Variants in ZNF33B observed in about 807,000 individuals in gnomAD.
The protein encoded by ZNF33B is zinc finger protein 33B.
In ZNF33B, 29 loss-of-function variants were observed where a neutral mutation model predicts 45.8. The ratio of observed to expected loss-of-function variants is 0.63; its 90% CI spans 0.47 to 0.86. The LOEUF is 0.86. Among genes scored for constraint, ZNF33B ranks in the 40% least tolerant of loss-of-function variants. ZNF33B has a pLI of 0.00. For missense variants in ZNF33B, 831 were observed against 909.9 expected (o/e 0.91, Z 1.12); for synonymous variants, 305 against 307.8 (o/e 0.99, Z 0.10).
chr10:42,576,455 C>T (rs914203660), intron 1 of ZNF33B, among the ~76,000 whole-genome samples: 1 of 152,156 alleles, frequency 6.6e-6, no homozygotes, highest in African/African-American at 2.4e-5. Flanking sequence ...GTGCAACATG[C>T]CTGGCATCTC....
At chr10:42,594,821 G>A in intron 4 of ZNF33B, 122 bp from the exon 5 acceptor site, 1 of 1,105,638 alleles carries the variant, frequency 9.0e-7, no homozygotes. Context: ...TTCCAGAGAT[G>A]AACATAATTG....
At chr10:42,635,195 C>T (rs1039102943) in intron 2 of ZNF33B, among the ~76,000 whole-genome samples, 5 of 151,112 alleles carry the variant, frequency 3.3e-5, no homozygotes, top group African/African-American at 4.9e-5. Context: ...GAGCCAAGAT[C>T]GCACCACTGC....
At chr10:42,600,205 T>C (rs2132059748) in intron 4 of ZNF33B, among the ~76,000 whole-genome samples, 1 of 152,264 alleles carries the variant, frequency 6.6e-6, no homozygotes, top group South Asian at 2.1e-4. Context: ...GAATATTTTA[T>C]AAATGTCAAT....
chr10:42,584,232 G>A (rs1406778776), downstream of ZNF33B, among the ~76,000 whole-genome samples: 1 of 152,216 alleles, frequency 6.6e-6, no homozygotes, highest in South Asian at 2.1e-4. Context: ...CTCGTTTCTG[G>A]AATGTGTACC....
At chr10:42,627,873 T>C (rs779067560) in intron 4 of ZNF33B, among the ~76,000 whole-genome samples, 7 of 152,242 alleles carry the variant, frequency 4.6e-5, no homozygotes, top group South Asian at 4.1e-4. Context: ...GGTTTCATTA[T>C]GGCCAGAAAA....
intron 1 of ZNF33B, chr10:42,583,486 G>A (rs1017122764): frequency 3.9e-6 from 1 of 253,402 alleles, no homozygotes; most frequent in African/African-American, 2.2e-5. Context: ...AAGAAGTTGA[G>A]AGTTCTTTGT....
chr10:42,629,030 A>C (rs1838932919), intron 4 of ZNF33B, among the ~76,000 whole-genome samples: 1 of 152,242 alleles, frequency 6.6e-6, no homozygotes, highest in Non-Finnish European at 1.5e-5. Flanking sequence ...AGCACTGTTC[A>C]CAAGAGCTAA....
rs10490937 is a variant in ZNF33B at position 42,591,544 on chromosome 10, A to C, written c.*1069T>G. The C allele has an allele frequency of 0.013, 5,585 of 428,764 alleles. 248 individuals are homozygous for C. The East Asian group carries it at 0.13, about 10-fold the overall frequency. The allele number at this position is 428,764 out of a possible 1,614,324, so 26.6% of individuals were successfully genotyped here. A position where few individuals can be genotyped will look rare whatever the true frequency, so the allele number is the denominator to read the frequency against. On this transcript the variant is annotated 3_prime_UTR_variant, in exon 5 of 5. Transcript: ENST00000359467. ...ACAAACACCTGGGATGGGCCTGATG[A>C]AGTAACCACTACTAAATTAGGATAC...
intron 1 of ZNF33B, chr10:42,581,699 T>C (rs1194776694): frequency 2.0e-5 from 3 of 152,146 alleles, no homozygotes; most frequent in Non-Finnish European, 4.4e-5. Flanking sequence ...AGAGAATAGA[T>C]GAAACAGTTT....
chr10:42,583,515 TG>T (rs1368188945), intron 1 of ZNF33B: 1 of 248,990 alleles, frequency 4.0e-6, no homozygotes, highest in Non-Finnish European at 8.0e-6. Context: ...TGCTGTCATG[TG>T]TCTTATTCGT....
rs772150778 is a variant in ZNF33B at position 42,636,876 on chromosome 10, A to G, written c.9+44T>C. The G allele has an allele frequency of 2.2e-5, 35 of 1,613,496 alleles. No homozygotes were observed. In the South Asian group the frequency reaches 3.1e-4, roughly 14 times the overall value. ...CCATACTGACTCTTACAAATCTCAC[A>G]AAGTCCACCGCAAAATAAAGTAGGG... is the stretch of plus-strand genomic sequence containing the variant. On this transcript the variant is annotated intron_variant, in intron 2 of 4. Transcript: ENST00000359467.
chr10:42,594,100 A>G lies in ZNF33B; in HGVS notation c.850T>C (p.Leu284=). 1 of 1,614,058 alleles carries G rather than the reference A, an allele frequency of 6.2e-7. No individual in the cohort carries two copies. Among genetic ancestry groups the G allele is most frequent in the African/African-American group, 1.3e-5 (1 of 75,046 alleles). ...HYEFSDCEKF[L]CVKSTLSKHD... The stretch of plus-strand genomic sequence containing the variant: ...TTAGAAAGGGTGGACTTCACACATA[A>G]GAACTTCTCACAATCACTAAATTCA... The change falls in exon 5 of 5, where the codon TTA becomes CTA. Residue 284 remains leucine (L), a synonymous_variant. Transcript: ENST00000359467.
chr10:42,597,378 A>G (rs1247251498), intron 4 of ZNF33B, among the ~76,000 whole-genome samples: 1 of 152,104 alleles, frequency 6.6e-6, no homozygotes, highest in East Asian at 1.9e-4. Context: ...ACATAAAACA[A>G]CATAAATTTA....
intron 4 of ZNF33B, among the ~76,000 whole-genome samples, chr10:42,625,703 C>T (rs1838777196): frequency 1.3e-5 from 2 of 152,244 alleles, no homozygotes; most frequent in Non-Finnish European, 2.9e-5. Context: ...AAACTCCTGA[C>T]CTCAGGTGAT....
intron 4 of ZNF33B, among the ~76,000 whole-genome samples, chr10:42,607,960 T>C (rs1443552453): frequency 1.3e-5 from 2 of 152,182 alleles, no homozygotes; most frequent in Non-Finnish European, 2.9e-5. Flanking sequence ...AAACATGTGC[T>C]ATCTATAAGA....
chr10:42,611,760 A>G (rs980644100), intron 4 of ZNF33B, among the ~76,000 whole-genome samples: 1 of 152,130 alleles, frequency 6.6e-6, no homozygotes, highest in African/African-American at 2.4e-5. Context: ...AAAAGGACAC[A>G]TAACACAACT....
At chr10:42,619,337 G>A (rs1838473716) in intron 4 of ZNF33B, among the ~76,000 whole-genome samples, 1 of 152,146 alleles carries the variant, frequency 6.6e-6, no homozygotes, top group African/African-American at 2.4e-5. Flanking sequence ...AAGACAGATG[G>A]ATGACATATA....
intron 4 of ZNF33B, among the ~76,000 whole-genome samples, chr10:42,617,092 C>CTCT (rs1838357532): frequency 1.6e-5 from 1 of 61,198 alleles, no homozygotes; most frequent in African/African-American, 5.8e-5. Flanking sequence ...CATTTTTTCT[C>CTCT]TTTTTTTTTT....
Position 42,591,686 on chromosome 10 carries a change from T to G in ZNF33B, c.*927A>C, listed in dbSNP as rs1210580817. On this transcript the variant is annotated 3_prime_UTR_variant, in exon 5 of 5. Transcript: ENST00000359467. The stretch of plus-strand genomic sequence containing the variant: ...GAACTTCAGGGATAATTCACAGATG[T>G]GCTTAATGCTGTTGCCCTGATTATT... The G allele has an allele frequency of 7.0e-6, 2 of 286,730 alleles. No individual in the cohort carries two copies. The highest frequency in any genetic ancestry group is 1.0e-5 in the Non-Finnish European group (2 of 191,112). 17.8% of individuals were successfully genotyped at this position (286,730 alleles called of 1,614,324 possible). A position where few individuals can be genotyped will look rare whatever the true frequency, so the allele number is the denominator to read the frequency against.
Sources: allele counts gnomAD v4.1 joint callset (sites outside exome capture counted in the v4.1 genomes callset), GRCh38; gene constraint gnomAD v4.1.1; transcripts MANE v1.5; gene names NCBI Gene and HGNC (gene_info 2026-07-23, HGNC 2026-07-21).